DOCK8: variants seen among roughly 807,000 people sequenced by gnomAD.
The protein encoded by DOCK8 is dedicator of cytokinesis 8.
In DOCK8, 141 loss-of-function variants were observed where a neutral mutation model predicts 245.6. The observed-to-expected ratio is 0.57, with a 90% CI of 0.50 to 0.66. The LOEUF is 0.66. DOCK8 is among the 30% of genes least tolerant of loss of function. DOCK8 has a pLI of 0.00. For missense variants in DOCK8, 2,965 were observed against 2,603.4 expected, an observed-to-expected ratio of 1.14 and a Z score of -3.02; for synonymous variants, 1,168 against 970.2, an observed-to-expected ratio of 1.20 and a Z score of -3.79.
chr9:235,565 C>A (rs968991663), intron 1 of DOCK8, among the ~76,000 whole-genome samples: 3 of 152,224 alleles, frequency 2.0e-5, no homozygotes. Flanking sequence ...GCTTCCCGGC[C>A]GCTTTGTTTA....
chr9:450,847 A>G (rs1005097597), intron 45 of DOCK8, among the ~76,000 whole-genome samples: 2 of 151,462 alleles, frequency 1.3e-5, no homozygotes, highest in African/African-American at 4.9e-5. Flanking sequence ...TCAATCCAGC[A>G]GTTATGCAAA....
chr9:353,900 T>C (rs907495121), intron 14 of DOCK8, among the ~76,000 whole-genome samples: 4 of 152,214 alleles, frequency 2.6e-5, no homozygotes, highest in Non-Finnish European at 5.9e-5. Flanking sequence ...TCACAGCCTC[T>C]TCAGGAGACA....
chr9:284,805 A>C (rs1474957237), intron 2 of DOCK8, among the ~76,000 whole-genome samples: 1 of 152,224 alleles, frequency 6.6e-6, no homozygotes, highest in Non-Finnish European at 1.5e-5. Context: ...CATGGATGGA[A>C]CTGGAGGCTA....
intron 21 of DOCK8, among the ~76,000 whole-genome samples, chr9:381,742 T>C (rs374892067): frequency 2.7e-4 from 41 of 152,234 alleles, no homozygotes; most frequent in Admixed American, 7.2e-4. Flanking sequence ...AGCAGATCAC[T>C]TGAGCTCAGG....
rs377031859 is a variant in DOCK8, at chr9:225,093, C to G, written c.53+10064C>G. The stretch of plus-strand genomic sequence containing the variant: ...CTCAAATCAACAAGATATTTTATTG[C>G]CTATGACTTCCTCTAGGTATTACGG... On this transcript the variant is annotated intron_variant, in intron 1 of 47. Coordinates refer to ENST00000432829, the MANE Select transcript of DOCK8 (RefSeq NM_203447.4). Among the ~76,000 whole-genome samples, 14 of 152,276 alleles carry G rather than the reference C, an allele frequency of 9.2e-5. No individual in the cohort carries two copies. In the East Asian group the frequency reaches 1.7e-3, roughly 19 times the overall value.
Position 449,819 on chromosome 9 carries a change from C to T in DOCK8, c.5853C>T (p.Asp1951=). 6.2e-7 allele frequency: 1 copy of T among 1,613,298 alleles called. No homozygotes were observed. ...VLTPIEVAIE[D]MKKKTLQLAV... is the part of the protein sequence containing the mutation. The stretch of plus-strand genomic sequence containing the variant: ...CACCGATTGAAGTTGCCATTGAAGA[C>T]ATGAAGAAGAAGACCCTGCAGTTAG... Residue 1951 remains aspartate, a synonymous_variant, in exon 45 of 48, where the codon GAC becomes GAT. Coordinates refer to ENST00000432829, the MANE Select transcript of DOCK8 (RefSeq NM_203447.4).
In DOCK8 at chr9:299,048, G is replaced by A. The variant is rs10968824; in HGVS notation, c.405-5533G>A. Among the ~76,000 whole-genome samples, 1,398 of 152,188 alleles carry A rather than the reference G, an allele frequency of 9.2e-3. 14 individuals carry two copies. Among genetic ancestry groups the A allele is most frequent in the South Asian group, 0.047 (226 of 4,830 alleles). ...TTGGATTTTTCAAGAAACATCACTG[G>A]TTCAGTATATTGTTATTTGGGGTAG... On this transcript the variant is annotated intron_variant, in intron 4 of 47. Coordinates refer to ENST00000432829, the MANE Select transcript of DOCK8 (RefSeq NM_203447.4).
At chr9:426,289 C>G (rs542708131) in intron 33 of DOCK8, among the ~76,000 whole-genome samples, 37 of 152,304 alleles carry the variant, frequency 2.4e-4, no homozygotes, top group Admixed American at 2.1e-3. Flanking sequence ...ATCACCTGCC[C>G]TACAGGAATA....
chr9:410,078 T>G (rs1026938615), intron 28 of DOCK8, among the ~76,000 whole-genome samples: 3 of 152,190 alleles, frequency 2.0e-5, no homozygotes, highest in African/African-American at 7.2e-5. Flanking sequence ...TTTTTAAAAT[T>G]GAACATCTAT....
Position 446,369 on chromosome 9 carries a change from G to A in DOCK8, c.5581-1G>A. ...CTCCCTCCGTGCCTTTTCCCCCTTA[G>A]GCCTACATACAGATCACTTTTGTGG... On this transcript the variant is annotated splice_acceptor_variant, in intron 43 of 47. Transcript: ENST00000432829. LOFTEE classifies it high-confidence loss of function. 6.2e-7 allele frequency: 1 copy of A among 1,613,620 alleles called. No individual in the cohort carries two copies. The highest frequency in any genetic ancestry group is 8.5e-7 in the Non-Finnish European group (1 of 1,179,536).
chr9:243,734 A>G (rs2047433715), intron 1 of DOCK8, among the ~76,000 whole-genome samples: 1 of 152,012 alleles, frequency 6.6e-6, no homozygotes, highest in Non-Finnish European at 1.5e-5. Flanking sequence ...CACTGTCTGA[A>G]TCTAGAGGAC....
chr9:361,604 C>G (rs1247435764), intron 14 of DOCK8, among the ~76,000 whole-genome samples: 1 of 152,134 alleles, frequency 6.6e-6, no homozygotes, highest in African/African-American at 2.4e-5. Flanking sequence ...TCACAAGTCT[C>G]CATAAATCCC....
Position 377,122 on chromosome 9 carries a change from G to A in DOCK8, c.2351G>A (p.Arg784His), listed in dbSNP as rs376140410. 6 of 1,609,994 alleles carry A rather than the reference G, an allele frequency of 3.7e-6. No homozygotes were observed. The highest frequency in any genetic ancestry group is 1.1e-5 in the South Asian group (1 of 90,990). Residue 784 changes from arginine to histidine, a missense_variant, in exon 20 of 48, where the codon CGC becomes CAC. Arg to His is a conservative substitution (Grantham distance 29). Around this residue, in one of 3 missense-constraint regions of DOCK8, gnomAD observed 2,825 missense variants for 2,453.5 expected, o/e 1.15. Transcript: ENST00000432829. ...AGCATCATCTGCCTGAACTCCTCCC[G>A]CCTGGAGCCGCTCGTGCTCTTCCTG... ...KLSIICLNSS[R>H]LEPLVLFLHL...
intron 33 of DOCK8, among the ~76,000 whole-genome samples, chr9:423,355 C>G (rs974468144): frequency 2.0e-5 from 3 of 152,152 alleles, no homozygotes; most frequent in Non-Finnish European, 4.4e-5. Context: ...TACCGTTTAG[C>G]CACAGGTAGC....
At chr9:416,453 C>T (rs1036789417) in intron 29 of DOCK8, among the ~76,000 whole-genome samples, 1 of 152,204 alleles carries the variant, frequency 6.6e-6, no homozygotes, top group Non-Finnish European at 1.5e-5. Context: ...GGAATCAGAA[C>T]TTTTCAACAT....
At chr9:266,080 A>AGTTTAAC (rs1207305312) in intron 1 of DOCK8, among the ~76,000 whole-genome samples, 1 of 152,172 alleles carries the variant, frequency 6.6e-6, no homozygotes, top group Non-Finnish European at 1.5e-5. Context: ...ATGGTTAAAA[A>AGTTTAAC]GTTTAACGTG....
chr9:224,117 C>G (rs1442858668), intron 1 of DOCK8, among the ~76,000 whole-genome samples: 1 of 152,154 alleles, frequency 6.6e-6, no homozygotes. Context: ...ACAGCTTTAT[C>G]AGAATAAATT....
chr9:346,834 G>C (rs1165967107), intron 14 of DOCK8, among the ~76,000 whole-genome samples: 1 of 152,128 alleles, frequency 6.6e-6, no homozygotes, highest in African/African-American at 2.4e-5. Flanking sequence ...ATGTCTGCGA[G>C]TTATGATTTA....
Position 370,173 on chromosome 9 carries a change from C to A in DOCK8, c.1798-57C>A, listed in dbSNP as rs972488534. The A allele has an allele frequency of 5.7e-6, 8 of 1,412,620 alleles. No individual in the cohort carries two copies. The East Asian group carries it at 6.8e-5, about 12-fold the overall frequency. 87.5% of individuals were successfully genotyped at this position (1,412,620 alleles called of 1,614,324 possible). ...AACATCCTGTTGGCCTGATGATAGT[C>A]AATTTGATGTACCCAAATGTTACTG... On this transcript the variant is annotated intron_variant, in intron 15 of 47. Coordinates refer to ENST00000432829, the MANE Select transcript of DOCK8 (RefSeq NM_203447.4).
Sources: gnomAD v4.1 joint callset for allele counts (sites outside exome capture counted in the v4.1 genomes callset) on GRCh38, gnomAD v4.1.1 for gene constraint, gnomAD v4.1.1 regional missense constraint, MANE v1.5 for transcripts, NCBI Gene and HGNC (gene_info 2026-07-23, HGNC 2026-07-21) for gene names.